The following CNTNAP5 variants were observed in gnomAD, a reference collection of about 807,000 sequenced individuals.
CNTNAP5 encodes contactin-associated protein-like 5.
CNTNAP5 carries 72 observed loss-of-function variants against 150.2 expected under a neutral mutation model. The observed-to-expected ratio is 0.48, with a 90% CI of 0.40 to 0.58. CNTNAP5 has a LOEUF of 0.58. Among genes scored for constraint, CNTNAP5 ranks in the 20% least tolerant of loss-of-function variants. The pLI is 0.00. For synonymous variants in CNTNAP5, 672 were observed against 619.8 expected (o/e 1.08, Z -1.25); for missense variants, 1,636 against 1,626.2 (o/e 1.01, Z -0.10).
At chr2:124,748,055 G>C (rs1028034425) in intron 14 of CNTNAP5, among the ~76,000 whole-genome samples, 6 of 151,876 alleles carry the variant, frequency 4.0e-5, no homozygotes, top group Admixed American at 3.9e-4. Flanking sequence ...TGGGGGGAGA[G>C]AGTGAGAGAG....
intron 3 of CNTNAP5, among the ~76,000 whole-genome samples, chr2:124,297,724 C>G (rs1016499875): frequency 6.6e-6 from 1 of 151,904 alleles, no homozygotes; most frequent in Non-Finnish European, 1.5e-5. Flanking sequence ...CATCACCAGA[C>G]GTAGTCTCCA....
chr2:124,760,406 G>T (rs1274574519), intron 14 of CNTNAP5, among the ~76,000 whole-genome samples: 1 of 151,976 alleles, frequency 6.6e-6, no homozygotes, highest in Non-Finnish European at 1.5e-5. Context: ...ACCAAAATTC[G>T]TTGATGAAAA....
rs559230287 is a variant in CNTNAP5, at chr2:124,198,712, G to T, written c.83-22993G>T. 1.5e-4 allele frequency among the ~76,000 whole-genome samples: 23 copies of T among 151,214 alleles called. No homozygotes were observed. In the South Asian group the frequency reaches 4.8e-3, roughly 32 times the overall value. ...TTCTCTGTATTTTGCTTAAGAAATA[G>T]TTTTTTAGCTTAAAGTCATAAAGAC... On this transcript the variant is annotated intron_variant, in intron 1 of 23. Transcript: ENST00000682447.
Position 124,914,697 on chromosome 2 carries a change from C to T in CNTNAP5, c.*409C>T, listed in dbSNP as rs1178564253. 1 of 156,744 alleles carries T rather than the reference C, an allele frequency of 6.4e-6. No homozygotes were observed. The highest frequency in any genetic ancestry group is 1.9e-4 in the East Asian group (1 of 5,342). 9.7% of individuals were successfully genotyped at this position (156,744 alleles called of 1,614,324 possible). A position where few individuals can be genotyped will look rare whatever the true frequency, so the allele number is the denominator to read the frequency against. ...TGACGGTCATTCCTGACATCCTCCC[C>T]AGCTCAAGTCTATTCTTACCATAGA... On this transcript the variant is annotated 3_prime_UTR_variant, in exon 24 of 24. Transcript: ENST00000682447.
At chr2:124,515,261 G>A (rs1247096342) in intron 8 of CNTNAP5, among the ~76,000 whole-genome samples, 1 of 152,214 alleles carries the variant, frequency 6.6e-6, no homozygotes, top group African/African-American at 2.4e-5. Flanking sequence ...AGCGCAGAAT[G>A]CTGCCCTGCT....
intron 1 of CNTNAP5, among the ~76,000 whole-genome samples, chr2:124,196,998 G>T (rs901327860): frequency 1.3e-5 from 2 of 152,128 alleles, no homozygotes; most frequent in South Asian, 2.1e-4. Context: ...CGTGTCTCAG[G>T]TTCCTAAGGT....
intron 3 of CNTNAP5, among the ~76,000 whole-genome samples, chr2:124,370,374 C>T (rs1690494245): frequency 2.6e-5 from 4 of 151,980 alleles, no homozygotes; most frequent in Non-Finnish European, 2.9e-5. Context: ...GAGGAAAAGC[C>T]GGTCATATAC....
At chr2:124,222,218 A>T (rs895113203) in intron 2 of CNTNAP5, among the ~76,000 whole-genome samples, 1 of 152,116 alleles carries the variant, frequency 6.6e-6, no homozygotes, top group African/African-American at 2.4e-5. Flanking sequence ...GCTGATTTTT[A>T]AAATACAAAA....
At chr2:124,531,096 C>T (rs1695095482) in intron 10 of CNTNAP5, among the ~76,000 whole-genome samples, 1 of 151,834 alleles carries the variant, frequency 6.6e-6, no homozygotes, top group Non-Finnish European at 1.5e-5. Context: ...GCTTGTTTTC[C>T]TGCAACTAGA....
chr2:124,590,967 G>A (rs907271697), intron 11 of CNTNAP5, among the ~76,000 whole-genome samples: 1 of 152,132 alleles, frequency 6.6e-6, no homozygotes, highest in Admixed American at 6.6e-5. Flanking sequence ...TAAATTAGCT[G>A]CCAGAACTAT....
intron 1 of CNTNAP5, among the ~76,000 whole-genome samples, chr2:124,126,636 T>A (rs1472120701): frequency 6.6e-6 from 1 of 152,200 alleles, no homozygotes; most frequent in Non-Finnish European, 1.5e-5. Flanking sequence ...ATATCCCTGA[T>A]GAACATCAAC....
intron 3 of CNTNAP5, among the ~76,000 whole-genome samples, chr2:124,283,910 A>T (rs1476090165): frequency 1.3e-5 from 2 of 152,008 alleles, no homozygotes. Context: ...CAAATTGTGC[A>T]CCTCCCAGTG....
At chr2:124,044,337 G>A (rs1681470068) in intron 1 of CNTNAP5, among the ~76,000 whole-genome samples, 1 of 152,162 alleles carries the variant, frequency 6.6e-6, no homozygotes, top group South Asian at 2.1e-4. Flanking sequence ...TAGTTTGCCT[G>A]AAATCCAGCC....
At chr2:124,213,243 T>C (rs1686065656) in intron 1 of CNTNAP5, among the ~76,000 whole-genome samples, 1 of 152,136 alleles carries the variant, frequency 6.6e-6, no homozygotes, top group South Asian at 2.1e-4. Context: ...ATATTAAAAA[T>C]GGGGTTTTTA....
intron 21 of CNTNAP5, among the ~76,000 whole-genome samples, chr2:124,870,202 G>T (rs1397155087): frequency 6.9e-6 from 1 of 143,950 alleles, no homozygotes; most frequent in African/African-American, 2.6e-5. Context: ...CTTTATATAT[G>T]ATGACAGTAT....
chr2:124,327,832 A>G (rs1465313074), intron 3 of CNTNAP5, among the ~76,000 whole-genome samples: 4 of 152,060 alleles, frequency 2.6e-5, no homozygotes, highest in Admixed American at 6.6e-5. Flanking sequence ...CTGTACCCCA[A>G]CCACTTGGGC....
chr2:124,395,097 T>G (rs56088354), intron 3 of CNTNAP5, among the ~76,000 whole-genome samples: 15,836 of 152,024 alleles, frequency 0.1, 1,197 homozygotes, highest in African/African-American at 0.22. Flanking sequence ...ACAAACAAAG[T>G]TGGAATCGGG....
At chr2:124,490,325 T>C (rs1374655536) in intron 7 of CNTNAP5, among the ~76,000 whole-genome samples, 1 of 142,508 alleles carries the variant, frequency 7.0e-6, no homozygotes, top group Non-Finnish European at 1.5e-5. Flanking sequence ...CAGAGCATTG[T>C]TGTCCATTTC....
chr2:124,761,577 G>T (rs936859444), intron 14 of CNTNAP5, among the ~76,000 whole-genome samples: 4 of 152,026 alleles, frequency 2.6e-5, no homozygotes, highest in African/African-American at 9.7e-5. Context: ...AGTTGGGACA[G>T]CTATTTTATA....
Sources: allele counts gnomAD v4.1 joint callset (sites outside exome capture counted in the v4.1 genomes callset), GRCh38; gene constraint gnomAD v4.1.1; transcripts MANE v1.5; gene names NCBI Gene and HGNC (gene_info 2026-07-23, HGNC 2026-07-21).